The following RGS5 variants were observed in gnomAD, a reference collection of about 807,000 sequenced individuals.
The protein encoded by RGS5 is regulator of G protein signaling 5.
A neutral mutation model predicts 18.9 loss-of-function variants in RGS5; 20 were observed. The ratio of observed to expected loss-of-function variants is 1.06; its 90% confidence interval spans 0.74 to 1.54. The LOEUF is 1.54. RGS5 is among the 40% of genes most tolerant of loss of function. RGS5 has a pLI of 0.00. For synonymous variants in RGS5, 57 were observed against 76.2 expected, an observed-to-expected ratio of 0.75 and a Z score of 1.31; for missense variants, 201 against 211.8, an observed-to-expected ratio of 0.95 and a Z score of 0.32.
At chr1:163,304,401 G>A (rs41272005) in intron 2 of RGS5, 13,574 of 152,224 alleles carry the variant, frequency 0.089, 674 homozygotes, top group African/African-American at 0.13. Flanking sequence ...TCACCAGGTG[G>A]GAAAACAGCT....
rs1424456521 is a variant in RGS5, at chr1:163,201,056, A to T, written c.44+1736T>A. On this transcript the variant is annotated intron_variant, in intron 1 of 4. Transcript: ENST00000313961. ...ATTGATTTCTCACCAAATGCCAAGC[A>T]ATGTGTCATAGAATCACAAAATGCT... Among the ~76,000 whole-genome samples, 3 of 152,328 alleles carry T rather than the reference A, an allele frequency of 2.0e-5. No homozygotes were observed. In the East Asian group the frequency reaches 5.8e-4, roughly 29 times the overall value.
At position 163,145,556 on chromosome 1, in the gene RGS5, C is replaced by G. The variant is rs1657098919; in HGVS notation, c.*1786G>C. 1 of 152,060 alleles carries G rather than the reference C, an allele frequency of 6.6e-6. No homozygotes were observed. Among genetic ancestry groups the G allele is most frequent in the African/African-American group, 2.4e-5 (1 of 41,384 alleles). 9.4% of individuals were successfully genotyped at this position (152,060 alleles called of 1,614,324 possible). A position where few individuals can be genotyped will look rare whatever the true frequency, so the allele number is the denominator to read the frequency against. The stretch of plus-strand genomic sequence containing the variant: ...ATTGATCTGGCCTAGCTCTGGACTG[C>G]TTGATGAAGGAGTTTCTTTGAAGTG... On this transcript the variant is annotated 3_prime_UTR_variant, in exon 5 of 5. Transcript: ENST00000313961.
At chr1:163,255,588 G>A (rs537690355) in intron 2 of RGS5, among the ~76,000 whole-genome samples, 19 of 150,680 alleles carry the variant, frequency 1.3e-4, no homozygotes, top group African/African-American at 4.1e-4. Flanking sequence ...AGAAAAAGAG[G>A]GAATCCTCCC....
intron 1 of RGS5, among the ~76,000 whole-genome samples, chr1:163,186,130 G>A (rs1004630245): frequency 1.3e-5 from 2 of 150,582 alleles, no homozygotes; most frequent in African/African-American, 2.5e-5. Context: ...GGAGTGCAGT[G>A]GTGCAATCTT....
intron 2 of RGS5, among the ~76,000 whole-genome samples, chr1:163,299,222 A>G (rs1407066636): frequency 1.3e-5 from 2 of 152,210 alleles, no homozygotes; most frequent in Non-Finnish European, 2.9e-5. Flanking sequence ...GCAACAGTTC[A>G]GTGTTTAAAA....
intron 2 of RGS5, among the ~76,000 whole-genome samples, chr1:163,265,125 G>C (rs183358781): frequency 6.6e-6 from 1 of 152,134 alleles, no homozygotes; most frequent in Admixed American, 6.6e-5. Flanking sequence ...TGTCTTTTCT[G>C]TGTCTCACAA....
At chr1:163,230,924 T>A (rs12064461) in intron 2 of RGS5, among the ~76,000 whole-genome samples, 63,729 of 152,018 alleles carry the variant, frequency 0.42, 13,606 homozygotes, top group Non-Finnish European at 0.45. Context: ...TTACAAAAAA[T>A]TCAATCCCAT....
intron 1 of RGS5, among the ~76,000 whole-genome samples, chr1:163,309,191 G>A (rs1313734200): frequency 2.6e-5 from 4 of 152,108 alleles, no homozygotes; most frequent in African/African-American, 9.7e-5. Flanking sequence ...CTCCCACTTG[G>A]GTGACAGAAA....
chr1:163,205,222 A>G (rs1659915939), upstream of RGS5, among the ~76,000 whole-genome samples: 1 of 152,028 alleles, frequency 6.6e-6, no homozygotes, highest in Admixed American at 6.6e-5. Flanking sequence ...AGTTTCAGTT[A>G]TGCAAAATGA....
At chr1:163,159,046 A>T (rs768083442) in intron 3 of RGS5, among the ~76,000 whole-genome samples, 7 of 152,228 alleles carry the variant, frequency 4.6e-5, no homozygotes, top group Non-Finnish European at 1.0e-4. Context: ...TTTTGAAAGA[A>T]GAGAAATATG....
At chr1:163,168,738 G>A (rs546956479) in intron 1 of RGS5, among the ~76,000 whole-genome samples, 4 of 152,236 alleles carry the variant, frequency 2.6e-5, no homozygotes, top group South Asian at 2.1e-4. Flanking sequence ...GGAGACAGAT[G>A]TGAGCCCAAG....
intron 2 of RGS5, among the ~76,000 whole-genome samples, chr1:163,276,488 C>T (rs1256004648): frequency 6.6e-6 from 1 of 152,068 alleles, no homozygotes; most frequent in Non-Finnish European, 1.5e-5. Context: ...TATCTAATTG[C>T]TATAAGTCTG....
intron 2 of RGS5, among the ~76,000 whole-genome samples, chr1:163,283,215 G>T (rs185454104): frequency 6.6e-6 from 1 of 152,112 alleles, no homozygotes; most frequent in African/African-American, 2.4e-5. Flanking sequence ...TTAGTGTTCT[G>T]TAACACTGCA....
rs1166025627 is a variant in RGS5 at position 163,143,359 on chromosome 1, G to A, written c.*3983C>T. 6.6e-6 allele frequency: 1 copy of A among 152,152 alleles called. No individual in the cohort carries two copies. The highest frequency in any genetic ancestry group is 1.5e-5 in the Non-Finnish European group (1 of 68,030). 9.4% of individuals were successfully genotyped at this position (152,152 alleles called of 1,614,324 possible). The stretch of plus-strand genomic sequence containing the variant: ...AATTGCCTACCCCTTGGGTTTCGAT[G>A]CTTGGATGTTGGAGATTACATTTTC... On this transcript the variant is annotated 3_prime_UTR_variant, in exon 5 of 5. Transcript: ENST00000313961.
In RGS5 at chr1:163,143,931, A is replaced by G. The variant is rs1445312749; in HGVS notation, c.*3411T>C. On this transcript the variant is annotated 3_prime_UTR_variant, in exon 5 of 5. Coordinates refer to ENST00000313961, the MANE Select transcript of RGS5 (RefSeq NM_003617.4). ...GGAAAATAATTAACAGCTCCATCCT[A>G]TTGAAATGGCTTGTGTACAGAGCAC... 6.6e-6 allele frequency: 1 copy of G among 152,138 alleles called. No individual in the cohort carries two copies. The highest frequency in any genetic ancestry group is 1.5e-5 in the Non-Finnish European group (1 of 68,002). The allele number at this position is 152,138 out of a possible 1,614,324, so 9.4% of individuals were successfully genotyped here. A position where few individuals can be genotyped will look rare whatever the true frequency, so the allele number is the denominator to read the frequency against.
intron 1 of RGS5, chr1:163,211,226 G>T (rs1313416930): frequency 6.6e-6 from 1 of 152,136 alleles, no homozygotes; most frequent in Non-Finnish European, 1.5e-5. Flanking sequence ...GGAGGTTAAG[G>T]GTGATTGGAA....
intron 1 of RGS5, among the ~76,000 whole-genome samples, chr1:163,188,149 A>C (rs1278412734): frequency 6.6e-6 from 1 of 152,188 alleles, no homozygotes; most frequent in Admixed American, 6.5e-5. Context: ...AGCCAGAGTT[A>C]TCAATGGAGT....
intron 1 of RGS5, among the ~76,000 whole-genome samples, chr1:163,181,347 C>G (rs1474461623): frequency 1.3e-5 from 2 of 152,136 alleles, no homozygotes; most frequent in African/African-American, 4.8e-5. Context: ...TTTAATACTC[C>G]AGGATCAGAA....
intron 1 of RGS5, among the ~76,000 whole-genome samples, chr1:163,215,923 A>T (rs933619244): frequency 1.6e-4 from 25 of 151,794 alleles, no homozygotes; most frequent in Admixed American, 1.0e-3. Flanking sequence ...ATAATAATAA[A>T]AATAAAATAA....
Sources: allele counts gnomAD v4.1 joint callset (sites outside exome capture counted in the v4.1 genomes callset), GRCh38; gene constraint gnomAD v4.1.1; transcripts MANE v1.5; gene names NCBI Gene and HGNC (gene_info 2026-07-23, HGNC 2026-07-21).